The following DNAH5 variants were observed in gnomAD, a reference collection of about 807,000 sequenced individuals.
The protein encoded by DNAH5 is axonemal beta dynein heavy chain 5.
In DNAH5, 372 loss-of-function variants were observed where a neutral mutation model predicts 518.2. The ratio of observed to expected loss-of-function variants is 0.72; its 90% CI spans 0.66 to 0.78. DNAH5 has a LOEUF of 0.78. DNAH5 is among the 30% of genes least tolerant of loss of function. The pLI is 0.00. For synonymous variants in DNAH5, 2,039 were observed against 2,025.9 expected (o/e 1.01, Z -0.17); for missense variants, 5,523 against 5,687.0 (o/e 0.97, Z 0.93).
Position 13,865,722 on chromosome 5 carries a change from CA to C in DNAH5, c.4300del (p.Trp1434GlyfsTer4). On this transcript the variant is annotated frameshift_variant, in exon 27 of 79. Coordinates refer to ENST00000265104, the MANE Select transcript of DNAH5 (RefSeq NM_001369.3). LOFTEE classifies it high-confidence loss of function. ...ETVNSYYDIL[W>X]SEVNIEKINN... Reference sequence around the variant, plus strand: ...AATTTTTTCAATATTCACCTCTGACCAAAGAATATCATAATAGCTATTTACA... The same window carrying C: ...AATTTTTTCAATATTCACCTCTGACCAAGAATATCATAATAGCTATTTACA... 1.2e-6 allele frequency: 2 copies of C among 1,606,236 alleles called. No homozygotes were observed. The highest frequency in any genetic ancestry group is 1.7e-6 in the Non-Finnish European group (2 of 1,172,992).
intron 59 of DNAH5, among the ~76,000 whole-genome samples, chr5:13,765,200 CT>C (rs554879132): frequency 2.6e-5 from 4 of 151,262 alleles, no homozygotes; most frequent in Admixed American, 1.3e-4. Context: ...CAAATTAGAG[CT>C]TTTTTTTTCT....
chr5:13,920,804 C>T (rs186614369), intron 5 of DNAH5, among the ~76,000 whole-genome samples, 187 bp from the exon 6 acceptor site: 20 of 152,278 alleles, frequency 1.3e-4, no homozygotes, highest in East Asian at 1.9e-4. Flanking sequence ...CCTTCCAACA[C>T]TTCCCTGTGA....
At chr5:13,701,530 T>A in intron 76 of DNAH5, 94 bp from the exon 77 acceptor site, 1 of 1,223,456 alleles carries the variant, frequency 8.2e-7, no homozygotes, top group Non-Finnish European at 1.2e-6. Context: ...AGATGAAATA[T>A]CAATTTCACT....
At chr5:13,884,207 G>A (rs1772059671) in intron 19 of DNAH5, among the ~76,000 whole-genome samples, 1 of 152,132 alleles carries the variant, frequency 6.6e-6, no homozygotes, top group African/African-American at 2.4e-5. Flanking sequence ...CCTTTGAAGA[G>A]TGTGACACTA....
intron 31 of DNAH5, among the ~76,000 whole-genome samples, chr5:13,848,878 C>T (rs755997145): frequency 5.9e-5 from 9 of 152,198 alleles, no homozygotes; most frequent in Non-Finnish European, 8.8e-5. Context: ...CAGCCCTGTT[C>T]CTAACAGGCC....
intron 1 of DNAH5, among the ~76,000 whole-genome samples, chr5:13,997,157 T>C (rs1235463811): frequency 6.6e-6 from 1 of 152,222 alleles, no homozygotes; most frequent in Non-Finnish European, 1.5e-5. Context: ...CTGAACATGT[T>C]TTCTCATTTT....
At chr5:13,876,659 C>A (rs566559442) in intron 22 of DNAH5, 25 bp downstream of exon 22, 6 of 1,609,488 alleles carry the variant, frequency 3.7e-6, no homozygotes, top group Non-Finnish European at 5.1e-6. Context: ...GCAAAAGGTC[C>A]GGCTGCCAGA....
chr5:13,781,416 T>C (rs78714158), intron 52 of DNAH5, among the ~76,000 whole-genome samples: 4 of 152,086 alleles, frequency 2.6e-5, no homozygotes, highest in African/African-American at 7.2e-5. Flanking sequence ...CAAATTTAAA[T>C]TGAAGGGAAG....
intron 45 of DNAH5, 84 bp downstream of exon 45, chr5:13,809,975 G>T: frequency 7.5e-7 from 1 of 1,326,832 alleles, no homozygotes. Flanking sequence ...ATCTCATTTA[G>T]AAAAAATATA....
At chr5:13,699,254 T>C (rs561869347) in intron 78 of DNAH5, among the ~76,000 whole-genome samples, 2 of 152,228 alleles carry the variant, frequency 1.3e-5, no homozygotes, top group African/African-American at 4.8e-5. Flanking sequence ...GCACCTCTTT[T>C]GTAACATGTA....
chr5:13,856,669 C>A (rs1767679506), intron 30 of DNAH5, among the ~76,000 whole-genome samples: 1 of 152,170 alleles, frequency 6.6e-6, no homozygotes, highest in Non-Finnish European at 1.5e-5. Flanking sequence ...TTATCCACCA[C>A]AATCAAGTCA....
upstream of DNAH5, among the ~76,000 whole-genome samples, chr5:13,948,018 G>A (rs1170797408): frequency 6.6e-6 from 1 of 152,146 alleles, no homozygotes; most frequent in Non-Finnish European, 1.5e-5. Context: ...CAGAGCTTGT[G>A]CACACCCAGC....
chr5:13,749,228 G>A (rs1019624778), intron 65 of DNAH5, among the ~76,000 whole-genome samples: 3 of 146,754 alleles, frequency 2.0e-5, no homozygotes, highest in East Asian at 2.0e-4. Context: ...AAAAGAAAAC[G>A]AGTGTCTGTT....
intron 19 of DNAH5, among the ~76,000 whole-genome samples, chr5:13,884,545 C>T (rs985854656): frequency 6.6e-6 from 1 of 152,256 alleles, no homozygotes; most frequent in Non-Finnish European, 1.5e-5. Context: ...ACTAAATAAA[C>T]GGTGGATATG....
chr5:13,826,156 G>A (rs908369682), intron 38 of DNAH5, among the ~76,000 whole-genome samples: 1 of 152,226 alleles, frequency 6.6e-6, no homozygotes, highest in Non-Finnish European at 1.5e-5. Context: ...TGAAGGGAAA[G>A]TCACAGAATG....
chr5:13,928,592 C>T (rs889233195), intron 2 of DNAH5, among the ~76,000 whole-genome samples: 2 of 152,110 alleles, frequency 1.3e-5, no homozygotes, highest in Admixed American at 1.3e-4. Flanking sequence ...GCAATAATCA[C>T]CAAAACTGCC....
rs370958379 is a variant in DNAH5 at position 13,717,393 on chromosome 5, G to A, written c.12627C>T (p.Pro4209=). 6.2e-7 allele frequency: 1 copy of A among 1,614,048 alleles called. No individual in the cohort carries two copies. The highest frequency in any genetic ancestry group is 8.5e-7 in the Non-Finnish European group (1 of 1,180,008). The part of the protein sequence containing the change: ...RKFGALGWNI[P]YEFNQADFNA... Reference sequence around the variant, plus strand: ...TAAAGTCCGCTTGGTTAAATTCGTAGGGGATATTCCACCCCAGGGCACCGA... The same window carrying A: ...TAAAGTCCGCTTGGTTAAATTCGTAAGGGATATTCCACCCCAGGGCACCGA... Residue 4209 remains proline (P), a synonymous_variant, in exon 73 of 79, where the codon CCC becomes CCT. Coordinates refer to ENST00000265104, the MANE Select transcript of DNAH5 (RefSeq NM_001369.3).
At chr5:13,978,102 C>T (rs1782404634) in intron 1 of DNAH5, among the ~76,000 whole-genome samples, 1 of 152,176 alleles carries the variant, frequency 6.6e-6, no homozygotes, top group Non-Finnish European at 1.5e-5. Flanking sequence ...ATATGGAGCA[C>T]TTTCATGCAC....
chr5:13,730,252 A>G (rs1312644784), intron 68 of DNAH5, among the ~76,000 whole-genome samples: 1 of 152,252 alleles, frequency 6.6e-6, no homozygotes, highest in Non-Finnish European at 1.5e-5. Context: ...CAATGTAACA[A>G]AAATGACACC....
Sources: allele counts gnomAD v4.1 joint callset (sites outside exome capture counted in the v4.1 genomes callset), GRCh38; gene constraint gnomAD v4.1.1; transcripts MANE v1.5; gene names NCBI Gene and HGNC (gene_info 2026-07-23, HGNC 2026-07-21).